The following MEF2C variants were observed in gnomAD, a reference collection of about 807,000 sequenced individuals.
MEF2C encodes myocyte-specific enhancer factor 2C.
Under a neutral mutation model 50.5 loss-of-function variants are expected in MEF2C, and 6 were observed. That is an observed-to-expected ratio of 0.12 (90% CI 0.07 to 0.23). The LOEUF (loss-of-function observed/expected upper bound fraction) is 0.23, where lower values mean the gene tolerates loss of function less well. Ranked by LOEUF, MEF2C falls within the 10% of genes least tolerant of loss-of-function variation. MEF2C has a pLI of 1.00. For synonymous variants in MEF2C, 183 were observed against 228.0 expected, an observed-to-expected ratio of 0.80 and a Z score of 1.78; for missense variants, 276 against 605.0, an observed-to-expected ratio of 0.46 and a Z score of 5.70.
chr5:88,807,470 GC>G (rs1342760315), intron 2 of MEF2C, among the ~76,000 whole-genome samples: 1 of 152,166 alleles, frequency 6.6e-6, no homozygotes, highest in Admixed American at 6.5e-5. Flanking sequence ...CTGAGCTCAA[GC>G]GATCCTCCCG....
chr5:88,854,216 A>G (rs1342664109), intron 1 of MEF2C, among the ~76,000 whole-genome samples: 1 of 152,216 alleles, frequency 6.6e-6, no homozygotes, highest in Non-Finnish European at 1.5e-5. Context: ...GATACAATAA[A>G]TAGATACTAT....
intron 3 of MEF2C, among the ~76,000 whole-genome samples, chr5:88,785,865 TA>T (rs1230194963): frequency 4.6e-5 from 7 of 151,974 alleles, no homozygotes; most frequent in African/African-American, 1.7e-4. Context: ...ATCCTGGGGC[TA>T]AAATGTTTAT....
chr5:88,728,445 T>C, intron 10 of MEF2C, 48 bp downstream of exon 10: 1 of 1,305,104 alleles, frequency 7.7e-7, no homozygotes, highest in Non-Finnish European at 9.9e-7. Flanking sequence ...GTCATTTGTT[T>C]TTCAAAATAC....
At chr5:88,783,177 G>T (rs570141827) in intron 3 of MEF2C, among the ~76,000 whole-genome samples, 3 of 152,120 alleles carry the variant, frequency 2.0e-5, no homozygotes, top group South Asian at 2.1e-4. Context: ...GGTATCAGGA[G>T]CGGCACTGCC....
At chr5:88,889,774 G>A (rs748716697) in intron 1 of MEF2C, among the ~76,000 whole-genome samples, 50 of 152,268 alleles carry the variant, frequency 3.3e-4, no homozygotes, top group Non-Finnish European at 6.2e-4. Context: ...GCAGTGCCGG[G>A]GTAGTTGTCC....
intron 1 of MEF2C, among the ~76,000 whole-genome samples, chr5:88,847,106 G>A (rs758996019): frequency 2.0e-5 from 3 of 152,100 alleles, no homozygotes; most frequent in Non-Finnish European, 2.9e-5. Context: ...GCTCTATTGC[G>A]GATTTGTAAT....
At chr5:88,753,370 T>G (rs1773762706) in intron 4 of MEF2C, among the ~76,000 whole-genome samples, 1 of 152,156 alleles carries the variant, frequency 6.6e-6, no homozygotes, top group African/African-American at 2.4e-5. Flanking sequence ...ATTTTTCATT[T>G]GTATTTTATT....
chr5:88,736,744 G>A, intron 6 of MEF2C: 1 of 985,354 alleles, frequency 1.0e-6, no homozygotes, highest in Non-Finnish European at 1.2e-6. Flanking sequence ...ACACAGTTGA[G>A]TCAGTGCCCT....
chr5:88,842,454 G>A (rs1173777362), intron 1 of MEF2C, among the ~76,000 whole-genome samples: 1 of 151,556 alleles, frequency 6.6e-6, no homozygotes, highest in Non-Finnish European at 1.5e-5. Flanking sequence ...TATTATATGA[G>A]GATGAAAGCA....
intron 1 of MEF2C, among the ~76,000 whole-genome samples, chr5:88,861,780 A>G (rs1006939749): frequency 6.6e-6 from 1 of 152,196 alleles, no homozygotes; most frequent in African/African-American, 2.4e-5. Context: ...ATATTTACTG[A>G]CTTGCAAATC....
chr5:88,849,106 G>A (rs993373217), intron 1 of MEF2C, among the ~76,000 whole-genome samples: 16 of 145,732 alleles, frequency 1.1e-4, no homozygotes, highest in Non-Finnish European at 1.3e-4. Context: ...AGCCGAGATC[G>A]CGCCAGTGCA....
chr5:88,862,483 C>T (rs1471627679), intron 1 of MEF2C, among the ~76,000 whole-genome samples: 1 of 152,044 alleles, frequency 6.6e-6, no homozygotes, highest in Non-Finnish European at 1.5e-5. Context: ...AAGATGTTTT[C>T]CTACTGGTAT....
chr5:88,785,279 T>TACATACAC (rs1790304191), intron 3 of MEF2C: 1 of 143,838 alleles, frequency 7.0e-6, no homozygotes, highest in Non-Finnish European at 1.5e-5. Context: ...AAAACTGGCA[T>TACATACAC]ACACACACAC....
intron 1 of MEF2C, chr5:88,839,679 C>T (rs1226642207): frequency 6.6e-6 from 1 of 151,418 alleles, no homozygotes; most frequent in Admixed American, 6.6e-5. Flanking sequence ...CGGACATTTC[C>T]ATCAAGTAAC....
At chr5:88,903,913 C>T (rs1835916149) in intron 1 of MEF2C, 1 of 151,660 alleles carries the variant, frequency 6.6e-6, no homozygotes, top group African/African-American at 2.4e-5. Context: ...AATTGAAACT[C>T]ACCAGTGCCT....
chr5:88,849,222 T>C (rs1820422264), intron 1 of MEF2C, among the ~76,000 whole-genome samples: 2 of 152,006 alleles, frequency 1.3e-5, no homozygotes, highest in South Asian at 4.1e-4. Flanking sequence ...AATTTACTTG[T>C]TTCTAAATAA....
chr5:88,869,286 TATATATATAC>T (rs1442400990), intron 1 of MEF2C, among the ~76,000 whole-genome samples: 9,698 of 84,404 alleles, frequency 0.11, 420 homozygotes, highest in Non-Finnish European at 0.13. Flanking sequence ...TACATATATA[TATATATATAC>T]ACATATATAT....
At chr5:88,841,590 T>A (rs1817407014) in intron 1 of MEF2C, among the ~76,000 whole-genome samples, 1 of 152,098 alleles carries the variant, frequency 6.6e-6, no homozygotes. Context: ...CAGGAGGAGT[T>A]CCATGAAATT....
chr5:88,775,259 T>C lies in MEF2C; in HGVS notation c.259-13931A>G, dbSNP rs143342978. ...TTCCTGGCTCATTTGTTATTGGGGGTTGCTGTGCCTGGACTCACATTGCAG... is the reference window on the plus strand; with the variant it reads ...TTCCTGGCTCATTTGTTATTGGGGGCTGCTGTGCCTGGACTCACATTGCAG... On this transcript the variant is annotated intron_variant, in intron 3 of 10. Transcript: ENST00000504921. 7.5e-3 allele frequency among the ~76,000 whole-genome samples: 1,136 copies of C among 152,238 alleles called. 20 individuals are homozygous for C. Among genetic ancestry groups the C allele is most frequent in the African/African-American group, 0.027 (1,109 of 41,534 alleles).
Sources: allele counts gnomAD v4.1 joint callset (sites outside exome capture counted in the v4.1 genomes callset), GRCh38; gene constraint gnomAD v4.1.1; transcripts MANE v1.5; gene names NCBI Gene and HGNC (gene_info 2026-07-23, HGNC 2026-07-21).